Variants in CCP110 observed in about 807,000 individuals in gnomAD.
CCP110 encodes the protein centriolar coiled-coil protein of 110 kDa.
A neutral mutation model predicts 105.5 loss-of-function variants in CCP110; 43 were observed. The observed-to-expected ratio is 0.41, with a 90% CI of 0.32 to 0.53. The LOEUF is 0.53. Among genes scored for constraint, CCP110 ranks in the 20% least tolerant of loss-of-function variants. The pLI, the probability that CCP110 is intolerant of heterozygous loss-of-function variation, is 0.32. For synonymous variants in CCP110, 353 were observed against 392.1 expected (o/e 0.90, Z 1.18); for missense variants, 1,016 against 1,189.1 (o/e 0.85, Z 2.14).
chr16:19,548,751 T>C lies in CCP110; in HGVS notation c.2986+151T>C, dbSNP rs1970543609. 6.6e-6 allele frequency among the ~76,000 whole-genome samples: 1 copy of C among 152,238 alleles called. No homozygotes were observed. The highest frequency in any genetic ancestry group is 2.4e-5 in the African/African-American group (1 of 41,458). ...GTCATCTTATTAGTGTTCTTTGGTC[T>C]TAGCATTGTATGGCAGTCAGGAAGT... On this transcript the variant is annotated intron_variant, in intron 14 of 14. Transcript: ENST00000381396. The surrounding 1 kb of genome is among the most constrained non-coding windows in gnomAD (Gnocchi z 4.1).
rs757758112 is a variant in CCP110 at position 19,548,486 on chromosome 16, G to A, written c.2901-29G>A. On this transcript the variant is annotated intron_variant, in intron 13 of 14. Coordinates refer to ENST00000381396, the Ensembl canonical transcript of CCP110. The surrounding 1 kb of genome is among the most constrained non-coding windows in gnomAD (Gnocchi z 4.1). ...TGAACATTTAGACCTTAATGCCAGT[G>A]ACTTATTAATTTTTTTATATTCAAT... 4 of 1,375,096 alleles carry A rather than the reference G, an allele frequency of 2.9e-6. No homozygotes were observed. Among genetic ancestry groups the A allele is most frequent in the East Asian group, 5.0e-5 (2 of 40,098 alleles). 85.2% of individuals were successfully genotyped at this position (1,375,096 alleles called of 1,614,324 possible).
exon 15 of CCP110, chr16:19,551,385 C>T (rs1197860137): frequency 2.6e-6 from 2 of 767,572 alleles, no homozygotes; most frequent in Non-Finnish European, 4.6e-6. Context: ...TTATCTGGAT[C>T]ATTTGGTCAG....
chr16:19,541,140 T>C (rs1306629826), intron 5 of CCP110, among the ~76,000 whole-genome samples: 1 of 151,952 alleles, frequency 6.6e-6, no homozygotes, highest in Non-Finnish European at 1.5e-5. Flanking sequence ...TAGTCCCAGC[T>C]ATGCAGGAGG....
rs1338574376 is a variant in CCP110, at chr16:19,548,317, AACAGAGTATG to A, written c.2901-195_2901-186del. On this transcript the variant is annotated intron_variant, in intron 13 of 14. Coordinates refer to ENST00000381396, the Ensembl canonical transcript of CCP110. This position sits in a 1 kb window ranked among gnomAD's most constrained non-coding sequence, Gnocchi z 4.1. ...TTCAGCATCACCGAAGTGATTCTCC[AACAGAGTATG>A]ACTCGTGCTTATAGTCTCCTGCTGA... is the stretch of plus-strand genomic sequence containing the variant. 1.7e-6 allele frequency: 1 copy of A among 582,436 alleles called. No individual in the cohort carries two copies. The highest frequency in any genetic ancestry group is 1.9e-5 in the African/African-American group (1 of 53,618). 36.1% of individuals were successfully genotyped at this position (582,436 alleles called of 1,614,324 possible).
At chr16:19,542,038 T>C (rs1970307016) in exon 6 of CCP110, 1 of 1,581,340 alleles carries the variant, frequency 6.3e-7, no homozygotes, top group African/African-American at 1.4e-5. Flanking sequence ...GCGGACTCAC[T>C]CCATACTTCA....
At chr16:19,549,831 T>C (rs188566636) in intron 14 of CCP110, among the ~76,000 whole-genome samples, 52 of 152,354 alleles carry the variant, frequency 3.4e-4, no homozygotes, top group African/African-American at 1.3e-3. Context: ...CTACTCTCCA[T>C]GTTCTTTTCT....
chr16:19,551,161 A>G (rs950091507), intron 14 of CCP110, 35 bp from the exon 14 acceptor site: 1 of 1,325,510 alleles, frequency 7.5e-7, no homozygotes, highest in Non-Finnish European at 1.1e-6. Flanking sequence ...AAAACCTCCC[A>G]TTGAGAAGTA....
chr16:19,537,716 AAGCATATTAGTCAGCTAC>A, intron 4 of CCP110, 129 bp downstream of exon 4: 10 of 583,744 alleles, frequency 1.7e-5, no homozygotes, highest in Non-Finnish European at 3.0e-6. Flanking sequence ...TCTTATTAGA[AAGCATATTAGTCAGCTAC>A]AGTTTATTGC....
chr16:19,535,961 A>G (rs751432098), exon 4 of CCP110: 7 of 1,592,670 alleles, frequency 4.4e-6, no homozygotes, highest in South Asian at 1.1e-5. Flanking sequence ...ACCTAATGCC[A>G]GTGATTTTGA....
At chr16:19,545,066 A>G in intron 9 of CCP110, 28 bp from the exon 10 acceptor site, 1 of 1,339,548 alleles carries the variant, frequency 7.5e-7, no homozygotes, top group Middle Eastern at 1.9e-4. Flanking sequence ...TTTTAAATGT[A>G]TACAATATTT....
exon 15 of CCP110, chr16:19,552,510 G>A (rs1323180231): frequency 7.5e-6 from 1 of 133,414 alleles, no homozygotes. Flanking sequence ...CGGGTTAACA[G>A]AGCAAGACAC....
chr16:19,546,047 G>A (rs1274046941), intron 11 of CCP110, 157 bp downstream of exon 11: 1 of 551,442 alleles, frequency 1.8e-6, no homozygotes, highest in Non-Finnish European at 3.2e-6. Context: ...ATTAAAATCA[G>A]GTGCTAAAAT....
At chr16:19,536,939 A>G (rs1275755465) in exon 4 of CCP110, 1 of 1,614,122 alleles carries the variant, frequency 6.2e-7, no homozygotes, top group Non-Finnish European at 8.5e-7. Context: ...TGTGCCCGAA[A>G]TTATGCCAAA....
intron 6 of CCP110, among the ~76,000 whole-genome samples, chr16:19,542,402 T>TATTA (rs1315312314): frequency 6.6e-6 from 1 of 152,214 alleles, no homozygotes; most frequent in African/African-American, 2.4e-5. Flanking sequence ...TCCCTTTAAA[T>TATTA]AGCTTATCTT....
exon 6 of CCP110, chr16:19,542,051 T>C: frequency 1.3e-6 from 2 of 1,570,878 alleles, no homozygotes; most frequent in Non-Finnish European, 1.7e-6. Flanking sequence ...ATACTTCAAA[T>C]TCAAATAGTT....
intron 3 of CCP110, among the ~76,000 whole-genome samples, chr16:19,535,560 T>C (rs565346408): frequency 2.0e-4 from 31 of 152,310 alleles, no homozygotes; most frequent in Non-Finnish European, 3.5e-4. Context: ...GGAGGAACAG[T>C]TGGTAATGTT....
In CCP110 at chr16:19,548,969, C is replaced by G. The variant is rs116565985; in HGVS notation, c.2986+369C>G. Among the ~76,000 whole-genome samples the G allele has an allele frequency of 0.011, 1,655 of 152,234 alleles. 40 individuals are homozygous for G. Among genetic ancestry groups the G allele is most frequent in the African/African-American group, 0.037 (1,523 of 41,542 alleles). ...GTCTGTTCAGCTTGGGGAAGTGTATCTGCACATAAGGGGATAAACTTTCTC... is the reference window on the plus strand; with the variant it reads ...GTCTGTTCAGCTTGGGGAAGTGTATGTGCACATAAGGGGATAAACTTTCTC... On this transcript the variant is annotated intron_variant, in intron 14 of 14. Coordinates refer to ENST00000381396, the Ensembl canonical transcript of CCP110. This position sits in a 1 kb window ranked among gnomAD's most constrained non-coding sequence, Gnocchi z 4.1.
intron 2 of CCP110, among the ~76,000 whole-genome samples, chr16:19,531,259 T>C (rs1969857150): frequency 6.6e-6 from 1 of 152,238 alleles, no homozygotes; most frequent in South Asian, 2.1e-4. Context: ...TATTTATTTA[T>C]AAGCAAAATG....
intron 12 of CCP110, chr16:19,547,681 T>C (rs756561285): frequency 2.1e-5 from 6 of 283,000 alleles, no homozygotes; most frequent in Non-Finnish European, 3.9e-5. Flanking sequence ...GTAAAGCATA[T>C]GTATAAGAAA....
Sources: allele counts gnomAD v4.1 joint callset (sites outside exome capture counted in the v4.1 genomes callset), GRCh38; gene constraint gnomAD v4.1.1; non-coding constraint Gnocchi (gnomAD v3.1); transcripts MANE v1.5; gene names NCBI Gene and HGNC (gene_info 2026-07-23, HGNC 2026-07-21).